SUGCT: variants seen among roughly 807,000 people sequenced by gnomAD.
The protein encoded by SUGCT is succinyl-CoA:glutarate CoA-transferase.
SUGCT carries 41 observed loss-of-function variants against 55.0 expected under a neutral mutation model. The observed-to-expected ratio is 0.74, with a 90% CI of 0.58 to 0.97. SUGCT has a LOEUF of 0.97. Among genes scored for constraint, SUGCT ranks in the 50% least tolerant of loss-of-function variants. The probability of loss-of-function intolerance (pLI) is 0.00; values close to 1 mark genes in which losing one functional copy is unlikely to be tolerated. For missense variants in SUGCT, 568 were observed against 547.8 expected, an observed-to-expected ratio of 1.04 and a Z score of -0.37; for synonymous variants, 187 against 200.4, an observed-to-expected ratio of 0.93 and a Z score of 0.56.
intron 1 of SUGCT, among the ~76,000 whole-genome samples, chr7:40,139,965 C>T (rs1373466706): frequency 2.6e-5 from 4 of 151,632 alleles, no homozygotes; most frequent in African/African-American, 4.9e-5. Flanking sequence ...TGCAATGGCG[C>T]GATCTCGGCT....
At chr7:40,714,632 A>G (rs560350629) in intron 12 of SUGCT, among the ~76,000 whole-genome samples, 130 of 152,298 alleles carry the variant, frequency 8.5e-4, no homozygotes, top group African/African-American at 2.9e-3. Flanking sequence ...TAAGGAAATT[A>G]TTACATAACT....
At chr7:40,571,372 C>T (rs938653180) in intron 12 of SUGCT, among the ~76,000 whole-genome samples, 1 of 152,046 alleles carries the variant, frequency 6.6e-6, no homozygotes, top group South Asian at 2.1e-4. Context: ...TTTTCTTTGA[C>T]TATGAAATTT....
the SUGCT span, among the ~76,000 whole-genome samples, chr7:40,929,306 C>G: frequency 6.6e-6 from 1 of 152,126 alleles, no homozygotes; most frequent in Non-Finnish European, 1.5e-5. Flanking sequence ...GCCACATTTT[C>G]TTAATCCAGT....
At chr7:40,442,290 A>ATTT (rs1788555155) in intron 9 of SUGCT, among the ~76,000 whole-genome samples, 1 of 152,156 alleles carries the variant, frequency 6.6e-6, no homozygotes, top group Non-Finnish European at 1.5e-5. Flanking sequence ...CTGTAAAGTT[A>ATTT]AAGAAGTCAG....
chr7:40,232,173 A>G (rs1305070036), intron 6 of SUGCT, among the ~76,000 whole-genome samples: 1 of 152,200 alleles, frequency 6.6e-6, no homozygotes, highest in Non-Finnish European at 1.5e-5. Context: ...ACAGGTGGCT[A>G]ATGGAATAGT....
At chr7:40,320,697 C>T (rs796828188) in intron 9 of SUGCT, among the ~76,000 whole-genome samples, 6 of 152,322 alleles carry the variant, frequency 3.9e-5, no homozygotes, top group African/African-American at 1.4e-4. Context: ...CTGACCTCTA[C>T]TGTCTCCAAT....
At chr7:41,034,034 C>T in the SUGCT span, among the ~76,000 whole-genome samples, 40 of 152,172 alleles carry the variant, frequency 2.6e-4, no homozygotes, top group East Asian at 6.0e-3. Context: ...CAATGTTGTC[C>T]GTGTACATTA....
At chr7:40,286,949 C>A (rs1793387813) in intron 8 of SUGCT, among the ~76,000 whole-genome samples, 1 of 152,126 alleles carries the variant, frequency 6.6e-6, no homozygotes, top group Non-Finnish European at 1.5e-5. Flanking sequence ...CACAAGACTG[C>A]AGACAGCTTT....
rs539430962 is a variant in SUGCT at position 40,228,313 on chromosome 7, T to C, written c.485-9322T>C. Among the ~76,000 whole-genome samples the C allele has an allele frequency of 1.2e-4, 19 of 152,322 alleles. No individual in the cohort carries two copies. The South Asian group carries it at 3.9e-3, about 32-fold the overall frequency. On this transcript the variant is annotated intron_variant, in intron 6 of 13. Transcript: ENST00000335693. ...AATTGGGATCCGAATAAAGTAATCA[T>C]AGTAGTTGAGTTATATATTTCTTAA...
intron 9 of SUGCT, among the ~76,000 whole-genome samples, chr7:40,344,976 A>T (rs13232967): frequency 4.6e-5 from 7 of 152,288 alleles, no homozygotes; most frequent in Non-Finnish European, 8.8e-5. Context: ...TCGATTCTCC[A>T]TAGGTACTTG....
intron 9 of SUGCT, among the ~76,000 whole-genome samples, chr7:40,363,468 C>G (rs1460564241): frequency 6.6e-6 from 1 of 152,240 alleles, no homozygotes; most frequent in South Asian, 2.1e-4. Flanking sequence ...AAATTTCCCT[C>G]TACACACTGC....
At chr7:40,705,963 T>G (rs1785378679) in intron 12 of SUGCT, among the ~76,000 whole-genome samples, 1 of 152,218 alleles carries the variant, frequency 6.6e-6, no homozygotes, top group Non-Finnish European at 1.5e-5. Flanking sequence ...GTGTCCATCA[T>G]CTATAAAATG....
At position 40,681,920 on chromosome 7, in the gene SUGCT, C is replaced by T. The variant is rs1182520132; in HGVS notation, c.1090-67514C>T. Among the ~76,000 whole-genome samples the T allele has an allele frequency of 4.6e-5, 7 of 152,170 alleles. No homozygotes were observed. The East Asian group carries it at 9.7e-4, about 21-fold the overall frequency. ...GGTCAGAGTTCAGTCCTCAGTTTTT[C>T]GAGTAGGCAGATCTGTTTGGTGGGG... On this transcript the variant is annotated intron_variant, in intron 12 of 13. Transcript: ENST00000335693.
At chr7:40,287,336 A>G (rs1017749353) in intron 8 of SUGCT, among the ~76,000 whole-genome samples, 1 of 152,116 alleles carries the variant, frequency 6.6e-6, no homozygotes, top group African/African-American at 2.4e-5. Flanking sequence ...ATATGAATGC[A>G]TTGTATTTCT....
intron 11 of SUGCT, among the ~76,000 whole-genome samples, chr7:40,487,139 C>A (rs1416159022): frequency 7.5e-6 from 1 of 133,418 alleles, no homozygotes; most frequent in East Asian, 2.2e-4. Flanking sequence ...GGCTGGAGTG[C>A]AATGGCACGA....
At chr7:40,577,913 A>G (rs1796855327) in intron 12 of SUGCT, among the ~76,000 whole-genome samples, 1 of 152,216 alleles carries the variant, frequency 6.6e-6, no homozygotes, top group Admixed American at 6.5e-5. Context: ...TGGCTTATAC[A>G]TTCATAAAAT....
At chr7:40,726,581 C>T (rs1307081962) in intron 12 of SUGCT, among the ~76,000 whole-genome samples, 1 of 152,132 alleles carries the variant, frequency 6.6e-6, no homozygotes, top group African/African-American at 2.4e-5. Flanking sequence ...ATACTTAAGA[C>T]ACTTAACAGT....
chr7:40,415,764 T>C (rs1434041161), intron 9 of SUGCT, among the ~76,000 whole-genome samples: 1 of 152,140 alleles, frequency 6.6e-6, no homozygotes, highest in Non-Finnish European at 1.5e-5. Flanking sequence ...CTTACTAAAA[T>C]AGAATTCTAC....
chr7:40,186,119 CTTTCT>C (rs1785492110), intron 3 of SUGCT, among the ~76,000 whole-genome samples: 4 of 147,576 alleles, frequency 2.7e-5, no homozygotes, highest in African/African-American at 7.7e-5. Context: ...TCCTTCCTTC[CTTTCT>C]TTCCTTCTTT....
Sources: allele counts gnomAD v4.1 joint callset (sites outside exome capture counted in the v4.1 genomes callset), GRCh38; gene constraint gnomAD v4.1.1; transcripts MANE v1.5; gene names NCBI Gene and HGNC (gene_info 2026-07-23, HGNC 2026-07-21).